The following RORA variants were observed in gnomAD, a reference collection of about 807,000 sequenced individuals.
RORA encodes RAR related orphan receptor A, also known as nuclear receptor ROR-alpha.
In RORA, 7 loss-of-function variants were observed where a neutral mutation model predicts 69.5. That is an observed-to-expected ratio of 0.10 (90% CI 0.06 to 0.19). RORA has a LOEUF of 0.19. Ranked by LOEUF, RORA falls within the 10% of genes least tolerant of loss-of-function variation. RORA has a pLI of 1.00. For synonymous variants in RORA, 261 were observed against 240.8 expected (o/e 1.08, Z -0.78); for missense variants, 457 against 663.0 (o/e 0.69, Z 3.41).
At chr15:60,949,779 T>C (rs1232270833) in intron 1 of RORA, among the ~76,000 whole-genome samples, 3 of 152,234 alleles carry the variant, frequency 2.0e-5, no homozygotes, top group Non-Finnish European at 4.4e-5. Flanking sequence ...TATCTGCACT[T>C]GGTTTATAAG....
intron 1 of RORA, among the ~76,000 whole-genome samples, chr15:60,947,620 C>A (rs1466558301): frequency 6.7e-6 from 1 of 149,068 alleles, no homozygotes; most frequent in East Asian, 2.0e-4. Context: ...ATCTGCTGAC[C>A]TTCCCTCCAC....
chr15:61,015,676 T>C (rs1895257669), intron 1 of RORA, among the ~76,000 whole-genome samples: 1 of 152,204 alleles, frequency 6.6e-6, no homozygotes, highest in Non-Finnish European at 1.5e-5. Context: ...AATGTGGGGC[T>C]TAAAGAGATT....
chr15:60,974,704 C>T (rs1893827911), intron 1 of RORA, among the ~76,000 whole-genome samples: 1 of 152,188 alleles, frequency 6.6e-6, no homozygotes, highest in Non-Finnish European at 1.5e-5. Flanking sequence ...CCCCCCAAAG[C>T]CACAGATGAG....
intron 1 of RORA, among the ~76,000 whole-genome samples, chr15:60,772,827 C>T (rs1266069438): frequency 6.6e-6 from 1 of 152,208 alleles, no homozygotes; most frequent in African/African-American, 2.4e-5. Context: ...CTCACACCCA[C>T]ATTCCAGGCT....
At chr15:61,116,761 A>G (rs887318041) in intron 1 of RORA, among the ~76,000 whole-genome samples, 2 of 151,604 alleles carry the variant, frequency 1.3e-5, no homozygotes, top group Non-Finnish European at 2.9e-5. Flanking sequence ...AGCTGAGAGA[A>G]TTTTTTTTTC....
At chr15:60,750,312 G>A (rs769724665) in intron 1 of RORA, among the ~76,000 whole-genome samples, 1 of 152,186 alleles carries the variant, frequency 6.6e-6, no homozygotes, top group Non-Finnish European at 1.5e-5. Flanking sequence ...TCCTCAATCA[G>A]TATTTCCTTT....
At chr15:61,050,741 A>G (rs1022290722) in intron 1 of RORA, among the ~76,000 whole-genome samples, 2 of 152,206 alleles carry the variant, frequency 1.3e-5, no homozygotes, top group Non-Finnish European at 2.9e-5. Flanking sequence ...TTTATTGAGC[A>G]CTTACTATGT....
chr15:60,848,614 T>C (rs1043666872), intron 1 of RORA: 1 of 152,406 alleles, frequency 6.6e-6, no homozygotes, highest in East Asian at 1.9e-4. Context: ...GAGAGGGGGT[T>C]TAATTGGCTC....
intron 1 of RORA, among the ~76,000 whole-genome samples, chr15:61,223,032 C>T (rs1431855617): frequency 2.6e-5 from 4 of 151,882 alleles, no homozygotes; most frequent in Non-Finnish European, 2.9e-5. Context: ...ATGACTTTAC[C>T]GCCAGGCATG....
intron 1 of RORA, among the ~76,000 whole-genome samples, chr15:60,721,921 G>A (rs1030140421): frequency 2.0e-5 from 3 of 152,178 alleles, no homozygotes; most frequent in Non-Finnish European, 4.4e-5. Context: ...TCAAGGACTC[G>A]CCCTAGACGG....
Position 60,762,236 on chromosome 15 carries a change from G to C in RORA, c.167-83550C>G, listed in dbSNP as rs945508442. ...GTGAGTCTTGTCAGATTTTCCAAAA[G>C]TACTATTAAACTAAAACGAGGGGAT... is the stretch of plus-strand genomic sequence containing the variant. On this transcript the variant is annotated intron_variant, in intron 1 of 10. Coordinates refer to ENST00000335670, the MANE Select transcript of RORA (RefSeq NM_134261.3). 5.9e-5 allele frequency among the ~76,000 whole-genome samples: 9 copies of C among 152,170 alleles called. No homozygotes were observed. In the South Asian group the frequency reaches 1.9e-3, roughly 32 times the overall value.
At position 60,799,637 on chromosome 15, in the gene RORA, C is replaced by G. The variant is rs145176127; in HGVS notation, c.167-120951G>C. 8.2e-3 allele frequency among the ~76,000 whole-genome samples: 1,250 copies of G among 152,108 alleles called. 25 individuals are homozygous for G. The highest frequency in any genetic ancestry group is 0.029 in the African/African-American group (1,184 of 41,508). On this transcript the variant is annotated intron_variant, in intron 1 of 10. Coordinates refer to ENST00000335670, the MANE Select transcript of RORA (RefSeq NM_134261.3). ...TAAACAAGTTCAGATGCCGAAAAATCCCACCACCAAGATACTAAGTATATC... is the reference window on the plus strand; with the variant it reads ...TAAACAAGTTCAGATGCCGAAAAATGCCACCACCAAGATACTAAGTATATC...
chr15:61,075,493 C>T (rs933517118), intron 1 of RORA, among the ~76,000 whole-genome samples: 1 of 152,166 alleles, frequency 6.6e-6, no homozygotes, highest in African/African-American at 2.4e-5. Flanking sequence ...GTCTGTGCTT[C>T]TCATTGGTAG....
intron 1 of RORA, among the ~76,000 whole-genome samples, chr15:60,980,839 GA>G (rs1175075208): frequency 9.9e-5 from 15 of 151,914 alleles, no homozygotes; most frequent in East Asian, 3.9e-4. Flanking sequence ...TGGTTTTGAT[GA>G]TTTTTTTTCT....
intron 2 of RORA, among the ~76,000 whole-genome samples, chr15:60,617,405 G>C (rs1291756030): frequency 6.6e-6 from 1 of 152,166 alleles, no homozygotes; most frequent in Non-Finnish European, 1.5e-5. Flanking sequence ...GGTGAACTCT[G>C]TACTGAGTTT....
intron 1 of RORA, among the ~76,000 whole-genome samples, chr15:61,129,189 C>A (rs2140838298): frequency 6.6e-6 from 1 of 152,122 alleles, no homozygotes; most frequent in African/African-American, 2.4e-5. Flanking sequence ...AGATATTTTC[C>A]TTCTCTATAT....
At chr15:60,899,647 G>A (rs149565270) in intron 1 of RORA, among the ~76,000 whole-genome samples, 3 of 152,276 alleles carry the variant, frequency 2.0e-5, no homozygotes, top group East Asian at 1.9e-4. Context: ...AGGTAAGGAC[G>A]TCAGCAAAAA....
intron 1 of RORA, among the ~76,000 whole-genome samples, chr15:60,929,075 G>A (rs1379327578): frequency 2.0e-5 from 3 of 152,106 alleles, no homozygotes; most frequent in Admixed American, 6.5e-5. Context: ...GTCCATTGGA[G>A]GAGCATTGTA....
At chr15:60,535,237 T>C (rs1037960790) in intron 2 of RORA, among the ~76,000 whole-genome samples, 2 of 152,222 alleles carry the variant, frequency 1.3e-5, no homozygotes, top group East Asian at 3.9e-4. Flanking sequence ...CACATACATA[T>C]TCATCCCAGC....
Sources: allele counts gnomAD v4.1 joint callset (sites outside exome capture counted in the v4.1 genomes callset), GRCh38; gene constraint gnomAD v4.1.1; transcripts MANE v1.5; gene names NCBI Gene and HGNC (gene_info 2026-07-23, HGNC 2026-07-21).